Variants in GABRB1 observed in about 807,000 individuals in gnomAD.
The protein encoded by GABRB1 is gamma-aminobutyric acid receptor subunit beta-1.
In GABRB1, 17 loss-of-function variants were observed where a neutral mutation model predicts 51.6. The observed-to-expected ratio is 0.33, with a 90% confidence interval of 0.23 to 0.49. The LOEUF (loss-of-function observed/expected upper bound fraction) is 0.49, where lower values mean the gene tolerates loss of function less well. Ranked by LOEUF, GABRB1 falls within the 20% of genes least tolerant of loss-of-function variation. The pLI, the probability that GABRB1 is intolerant of heterozygous loss-of-function variation, is 0.99. For synonymous variants in GABRB1, 247 were observed against 218.9 expected (o/e 1.13, Z -1.14); for missense variants, 410 against 600.6 (o/e 0.68, Z 3.32).
chr4:47,308,860 T>C lies in GABRB1; in HGVS notation c.462-11267T>C, dbSNP rs191270150. 3.9e-3 allele frequency among the ~76,000 whole-genome samples: 592 copies of C among 152,252 alleles called. 5 individuals are homozygous for C. The highest frequency in any genetic ancestry group is 0.013 in the African/African-American group (558 of 41,566). On this transcript the variant is annotated intron_variant, in intron 4 of 8. Coordinates refer to ENST00000295454, the MANE Select transcript of GABRB1 (RefSeq NM_000812.4). ...TTTCTGAATGCTTAGGGCTTGCTATTGTTTTAAATTGTTAAGAAAAGATAC... is the reference window on the plus strand; with the variant it reads ...TTTCTGAATGCTTAGGGCTTGCTATCGTTTTAAATTGTTAAGAAAAGATAC...
chr4:47,415,656 TATC>T (rs1728893149), intron 8 of GABRB1, among the ~76,000 whole-genome samples: 1 of 152,144 alleles, frequency 6.6e-6, no homozygotes, highest in South Asian at 2.1e-4. Context: ...ATCAGGGCAT[TATC>T]ATCAGAGGAA....
chr4:47,202,306 G>A (rs1289991600), intron 4 of GABRB1, among the ~76,000 whole-genome samples: 1 of 152,126 alleles, frequency 6.6e-6, no homozygotes, highest in Admixed American at 6.5e-5. Context: ...CTTCTGCCAT[G>A]ATTGTAAGTT....
chr4:47,130,583 G>C (rs1021136575), intron 3 of GABRB1, among the ~76,000 whole-genome samples: 1 of 152,030 alleles, frequency 6.6e-6, no homozygotes, highest in Non-Finnish European at 1.5e-5. Context: ...CCCAGATTAG[G>C]AATGGTCAAA....
chr4:47,319,763 GTTC>G (rs1725009736), intron 4 of GABRB1, among the ~76,000 whole-genome samples: 1 of 152,116 alleles, frequency 6.6e-6, no homozygotes, highest in South Asian at 2.1e-4. Context: ...GTTAATATTA[GTTC>G]TTCTCTGAAT....
At chr4:47,365,158 C>T (rs577499026) in intron 5 of GABRB1, among the ~76,000 whole-genome samples, 2 of 152,318 alleles carry the variant, frequency 1.3e-5, no homozygotes, top group Non-Finnish European at 2.9e-5. Context: ...GTATGGAGGT[C>T]CCTCTGACCA....
chr4:47,029,274 T>C (rs548301450), upstream of GABRB1, among the ~76,000 whole-genome samples: 4 of 152,092 alleles, frequency 2.6e-5, no homozygotes, highest in South Asian at 6.2e-4. Flanking sequence ...AGTGTTTAGA[T>C]CAATTTATAT....
chr4:47,350,540 C>A (rs1446899709), intron 5 of GABRB1, among the ~76,000 whole-genome samples: 3 of 151,488 alleles, frequency 2.0e-5, no homozygotes, highest in Non-Finnish European at 4.4e-5. Context: ...CATGGAGTTT[C>A]TTTTAAAAAA....
At chr4:47,403,835 C>T in intron 7 of GABRB1, 124 bp downstream of exon 7, 1 of 849,548 alleles carries the variant, frequency 1.2e-6, no homozygotes, top group Non-Finnish European at 1.8e-6. Flanking sequence ...CTTACAAGTC[C>T]CTGAATATAA....
chr4:47,318,298 A>G (rs543628008), intron 4 of GABRB1, among the ~76,000 whole-genome samples: 1 of 152,118 alleles, frequency 6.6e-6, no homozygotes, highest in East Asian at 1.9e-4. Context: ...AGCTGTTATT[A>G]TCTCATGACC....
chr4:47,278,621 G>T (rs946865160), intron 4 of GABRB1, among the ~76,000 whole-genome samples: 2 of 148,278 alleles, frequency 1.3e-5, no homozygotes, highest in East Asian at 4.1e-4. Flanking sequence ...CTAGGTTTTT[G>T]CCTTTTGCCT....
At chr4:47,071,258 T>C (rs2109546071) in intron 3 of GABRB1, among the ~76,000 whole-genome samples, 1 of 152,356 alleles carries the variant, frequency 6.6e-6, no homozygotes, top group African/African-American at 2.4e-5. Flanking sequence ...CTAATTTCTG[T>C]GTTTCAGTAC....
chr4:46,997,134 A>G (rs1724023731), intron 1 of GABRB1, among the ~76,000 whole-genome samples: 1 of 152,092 alleles, frequency 6.6e-6, no homozygotes, highest in African/African-American at 2.4e-5. Context: ...CTGAAATATT[A>G]CCTGTATACC....
chr4:47,395,212 A>G (rs1728139692), intron 5 of GABRB1, among the ~76,000 whole-genome samples: 2 of 152,194 alleles, frequency 1.3e-5, no homozygotes, highest in African/African-American at 4.8e-5. Context: ...TTTATGAAGA[A>G]AAGAGGTTTA....
At chr4:47,012,014 A>G (rs1005195744) in intron 1 of GABRB1, among the ~76,000 whole-genome samples, 3 of 152,192 alleles carry the variant, frequency 2.0e-5, no homozygotes, top group Admixed American at 6.5e-5. Flanking sequence ...AATTAATAAA[A>G]CATTACAGAT....
At chr4:47,101,755 C>T in intron 3 of GABRB1, among the ~76,000 whole-genome samples, 1 of 151,996 alleles carries the variant, frequency 6.6e-6, no homozygotes, top group Non-Finnish European at 1.5e-5. Context: ...AAATACATTT[C>T]TATTTTGAGA....
At chr4:47,228,826 C>A (rs1449647405) in intron 4 of GABRB1, among the ~76,000 whole-genome samples, 1 of 152,002 alleles carries the variant, frequency 6.6e-6, no homozygotes, top group South Asian at 2.1e-4. Flanking sequence ...AAACCTTGGG[C>A]CTGGCTTCAC....
intron 8 of GABRB1, among the ~76,000 whole-genome samples, chr4:47,413,143 G>C (rs1168561382): frequency 1.3e-5 from 2 of 152,288 alleles, no homozygotes; most frequent in East Asian, 3.9e-4. Context: ...TTTTCAGACT[G>C]CTCTTTGTTA....
intron 3 of GABRB1, among the ~76,000 whole-genome samples, chr4:47,040,997 G>A (rs1202959156): frequency 1.3e-5 from 2 of 152,144 alleles, no homozygotes; most frequent in African/African-American, 2.4e-5. Flanking sequence ...TACTTACACA[G>A]CATCTGGTCT....
intron 3 of GABRB1, among the ~76,000 whole-genome samples, chr4:47,041,920 C>A (rs778301165): frequency 6.6e-6 from 1 of 152,106 alleles, no homozygotes; most frequent in East Asian, 1.9e-4. Flanking sequence ...TCTATGGAGT[C>A]TTTTCTGCAG....
Sources: allele counts gnomAD v4.1 joint callset (sites outside exome capture counted in the v4.1 genomes callset), GRCh38; gene constraint gnomAD v4.1.1; transcripts MANE v1.5; gene names NCBI Gene and HGNC (gene_info 2026-07-23, HGNC 2026-07-21).